UPF3A: variants seen among roughly 807,000 people sequenced by gnomAD.
The protein encoded by UPF3A is UPF3A regulator of nonsense mediated mRNA decay, also known as regulator of nonsense transcripts 3A.
In UPF3A, 42 loss-of-function variants were observed where a neutral mutation model predicts 53.5. That is an observed-to-expected ratio of 0.78 (90% CI 0.61 to 1.01). UPF3A has a LOEUF of 1.01. Among genes scored for constraint, UPF3A ranks in the 50% least tolerant of loss-of-function variants. The pLI, the probability that UPF3A is intolerant of heterozygous loss-of-function variation, is 0.00. For synonymous variants in UPF3A, 237 were observed against 225.3 expected, an observed-to-expected ratio of 1.05 and a Z score of -0.47; for missense variants, 575 against 598.0, an observed-to-expected ratio of 0.96 and a Z score of 0.40.
At position 114,284,085 on chromosome 13, in the gene UPF3A, C is replaced by T. The variant is rs974830194; in HGVS notation, c.421+1142C>T. On this transcript the variant is annotated intron_variant, in intron 3 of 9. Transcript: ENST00000375299. Reference sequence around the variant, plus strand: ...TTTCACTTAAAAAATATTGGTGGGCCGGGCACAGTGGCTCACACCTGTAAT... The same window carrying T: ...TTTCACTTAAAAAATATTGGTGGGCTGGGCACAGTGGCTCACACCTGTAAT... 9.3e-5 allele frequency: 92 copies of T among 985,130 alleles called. No homozygotes were observed. The African/African-American group carries it at 1.0e-3, about 11-fold the overall frequency. The allele number at this position is 985,130 out of a possible 1,614,324, so 61.0% of individuals were successfully genotyped here.
chr13:114,281,868 G>A, intron 1 of UPF3A, 22 bp downstream of exon 1: 1 of 1,430,574 alleles, frequency 7.0e-7, no homozygotes. Context: ...GGCGGGGCGC[G>A]CAAACCTCGC....
chr13:114,301,454 C>T (rs1452776097), intron 8 of UPF3A, among the ~76,000 whole-genome samples: 11 of 148,540 alleles, frequency 7.4e-5, no homozygotes, highest in Non-Finnish European at 1.3e-4. Context: ...CAGAGCGAGA[C>T]TCCATCTCAG....
chr13:114,286,319 G>A lies in UPF3A; in HGVS notation c.439G>A (p.Val147Met). The A allele has an allele frequency of 6.2e-7, 1 of 1,614,118 alleles. No individual in the cohort carries two copies. The highest frequency in any genetic ancestry group is 8.5e-7 in the Non-Finnish European group (1 of 1,179,994). The change falls in exon 4 of 10, where the codon GTG becomes ATG. Residue 147 changes from valine (V) to methionine (M), a missense_variant. Val to Met is a conservative substitution (Grantham distance 21). Coordinates refer to ENST00000375299, the MANE Select transcript of UPF3A (RefSeq NM_023011.4). The stretch of plus-strand genomic sequence containing the variant: ...GTTAAAAGGCCTAGAATATCCTGCA[G>A]TGGTAGAGTTTGCTCCATTCCAGAA... ...LDSKGLEYPA[V>M]VEFAPFQKIA... is the part of the protein sequence containing the mutation.
At chr13:114,285,985 G>A in intron 3 of UPF3A, 1 of 292,542 alleles carries the variant, frequency 3.4e-6, no homozygotes, top group Non-Finnish European at 6.4e-6. Flanking sequence ...ACAATTTGAT[G>A]AATTTTGAAC....
chr13:114,301,587 T>G (rs1034163359), intron 8 of UPF3A, 144 bp from the exon 9 acceptor site: 1 of 664,334 alleles, frequency 1.5e-6, no homozygotes, highest in Non-Finnish European at 2.6e-6. Context: ...GCCTGCTGTG[T>G]GCCCATCGCA....
rs561918773 is a variant in UPF3A, at chr13:114,284,042, A to C, written c.421+1099A>C. On this transcript the variant is annotated intron_variant, in intron 3 of 9. Coordinates refer to ENST00000375299, the MANE Select transcript of UPF3A (RefSeq NM_023011.4). ...GTGTTCATTGCTCATTTATTCAGTA[A>C]CTTACTGAGTTTCCCTTTTTCACTT... is the stretch of plus-strand genomic sequence containing the variant. The C allele has an allele frequency of 3.0e-6, 3 of 985,426 alleles. No homozygotes were observed. The South Asian group carries it at 1.4e-4, about 46-fold the overall frequency. The allele number at this position is 985,426 out of a possible 1,614,324, so 61.0% of individuals were successfully genotyped here.
chr13:114,298,776 AT>A, intron 7 of UPF3A, 63 bp from the exon 8 acceptor site: 1 of 1,356,298 alleles, frequency 7.4e-7, no homozygotes, highest in Non-Finnish European at 9.6e-7. Context: ...GTAATTATTT[AT>A]TTAACAGCTT....
chr13:114,288,654 G>A (rs2084973228), intron 5 of UPF3A, among the ~76,000 whole-genome samples: 1 of 151,910 alleles, frequency 6.6e-6, no homozygotes, highest in Admixed American at 6.6e-5. Flanking sequence ...TGTCACATGG[G>A]ATAGACTGTG....
At chr13:114,287,893 G>C (rs2084885602) in intron 5 of UPF3A, among the ~76,000 whole-genome samples, 1 of 152,094 alleles carries the variant, frequency 6.6e-6, no homozygotes, top group Non-Finnish European at 1.5e-5. Flanking sequence ...TGCAACCTCT[G>C]CCTTCCCAGT....
In UPF3A at chr13:114,298,907, T is replaced by C. The variant is rs376399019; in HGVS notation, c.914T>C (p.Ile305Thr). ...TEKPKERGEE[I>T]DTGGGKQESC... ...AAACCAAAAGAAAGAGGAGAGGAGA[T>C]TGATACTGGAGGTGGCAAGCAGGAA... Residue 305 changes from isoleucine (I) to threonine (T), a missense_variant, in exon 8 of 10, where the codon ATT (isoleucine) becomes ACT (threonine). Transcript: ENST00000375299. 46 of 1,601,814 alleles carry C rather than the reference T, an allele frequency of 2.9e-5. No individual in the cohort carries two copies. The highest frequency in any genetic ancestry group is 4.5e-5 in the East Asian group (2 of 44,130).
Position 114,304,804 on chromosome 13 carries a change from C to G in UPF3A, c.1318C>G (p.Gln440Glu). ...ATCCTGGCAGGACCGGCCAGCCTTG[C>G]AGCTGTATGATCCAGGAGCTCGCTT... Reference protein sequence around the residue: ...RLANKDRPALQLYDPGARFRA... With the variant: ...RLANKDRPALELYDPGARFRA... Residue 440 changes from glutamine to glutamate, a missense_variant, in exon 10 of 10, where the codon CAG becomes GAG. Around this residue, in one of 2 missense-constraint regions of UPF3A, gnomAD observed 323 missense variants for 415.2 expected, o/e 0.78. Transcript: ENST00000375299. 1.2e-6 allele frequency: 2 copies of G among 1,613,688 alleles called. No individual in the cohort carries two copies. The highest frequency in any genetic ancestry group is 1.7e-5 in the Admixed American group (1 of 60,008).
In UPF3A at chr13:114,281,724, C is replaced by G; in HGVS notation, c.85C>G (p.Leu29Val). 6.4e-7 allele frequency: 1 copy of G among 1,556,920 alleles called. No individual in the cohort carries two copies. Among genetic ancestry groups the G allele is most frequent in the Non-Finnish European group, 8.7e-7 (1 of 1,151,346 alleles). Residue 29 changes from leucine (L) to valine (V), a missense_variant, in exon 1 of 10, where the codon CTA becomes GTA. This residue lies in a region of UPF3A where 252 missense variants were observed against 182.7 expected (regional missense o/e 1.38). Transcript: ENST00000375299. ...GAGCGGGAGGGAGAAGCTGTCGGCC[C>G]TAGAAGTGCAGTTCCACCGCGACTC... The part of the protein sequence containing the change: ...GPSGREKLSA[L>V]EVQFHRDSQQ...
chr13:114,297,460 C>A (rs900032163), intron 7 of UPF3A, among the ~76,000 whole-genome samples: 9 of 152,114 alleles, frequency 5.9e-5, no homozygotes, highest in African/African-American at 9.6e-5. Context: ...TATTACAAAA[C>A]TAATACTTGT....
At position 114,286,656 on chromosome 13, in the gene UPF3A, T is replaced by C. The variant is rs76380611; in HGVS notation, c.631+27T>C. Reference sequence around the variant, plus strand: ...TCTGTTTTGCTCATTTCTTCTCTTTTCTTTATTGAGAGATTTACTCGTAGA... The same window carrying C: ...TCTGTTTTGCTCATTTCTTCTCTTTCCTTTATTGAGAGATTTACTCGTAGA... On this transcript the variant is annotated intron_variant, in intron 5 of 9. Coordinates refer to ENST00000375299, the MANE Select transcript of UPF3A (RefSeq NM_023011.4). 6.8e-3 allele frequency: 10,628 copies of C among 1,556,292 alleles called. 715 individuals are homozygous for C. The Admixed American group carries it at 0.13, about 19-fold the overall frequency.
intron 3 of UPF3A, chr13:114,283,491 C>T (rs1378892506): frequency 6.6e-6 from 1 of 152,402 alleles, no homozygotes; most frequent in African/African-American, 2.4e-5. Context: ...TATGTATTAT[C>T]ATCAGAGAAT....
At chr13:114,287,949 G>A (rs1185612599) in intron 5 of UPF3A, among the ~76,000 whole-genome samples, 1 of 152,120 alleles carries the variant, frequency 6.6e-6, no homozygotes, top group Non-Finnish European at 1.5e-5. Flanking sequence ...TGGGATTACA[G>A]GCACCCGCCA....
chr13:114,293,350 C>CTCCA (rs1253286745), intron 7 of UPF3A, among the ~76,000 whole-genome samples: 1 of 152,008 alleles, frequency 6.6e-6, no homozygotes, highest in Admixed American at 6.6e-5. Flanking sequence ...CGCCACTGCA[C>CTCCA]TCCAGCCTGG....
chr13:114,299,846 C>T (rs768725565), intron 8 of UPF3A, among the ~76,000 whole-genome samples: 19 of 152,212 alleles, frequency 1.2e-4, no homozygotes, highest in African/African-American at 4.3e-4. Flanking sequence ...GGATGATGGA[C>T]GTGGATTTTA....
At chr13:114,290,551 G>A (rs780928070) in intron 5 of UPF3A, among the ~76,000 whole-genome samples, 6 of 152,238 alleles carry the variant, frequency 3.9e-5, no homozygotes, top group Non-Finnish European at 7.4e-5. Flanking sequence ...GTCCCTCTGA[G>A]GTGGGGCCTG....
Sources: gnomAD v4.1 joint callset for allele counts (sites outside exome capture counted in the v4.1 genomes callset) on GRCh38, gnomAD v4.1.1 for gene constraint, gnomAD v4.1.1 regional missense constraint, MANE v1.5 for transcripts, NCBI Gene and HGNC (gene_info 2026-07-23, HGNC 2026-07-21) for gene names.